STX6: variants seen among roughly 807,000 people sequenced by gnomAD.
The protein encoded by STX6 is syntaxin-6.
In STX6, 23 loss-of-function variants were observed where a neutral mutation model predicts 38.0. The ratio of observed to expected loss-of-function variants is 0.60; its 90% confidence interval spans 0.43 to 0.86. STX6 has a LOEUF of 0.86. Among genes scored for constraint, STX6 ranks in the 40% least tolerant of loss-of-function variants. STX6 has a pLI of 0.00. For synonymous variants in STX6, 123 were observed against 107.5 expected (o/e 1.14, Z -0.89); for missense variants, 274 against 312.9 (o/e 0.88, Z 0.94).
chr1:181,013,253 T>C (rs1656461597), intron 1 of STX6, among the ~76,000 whole-genome samples: 2 of 152,226 alleles, frequency 1.3e-5, no homozygotes, highest in South Asian at 4.1e-4. Flanking sequence ...TAGGGAGCTT[T>C]GTTCCCCAGT....
At chr1:181,016,432 C>T (rs1373482742) in intron 1 of STX6, among the ~76,000 whole-genome samples, 1 of 152,126 alleles carries the variant, frequency 6.6e-6, no homozygotes, top group Non-Finnish European at 1.5e-5. Context: ...ATAGTGTTCT[C>T]CAAACTAAGG....
At chr1:181,011,620 T>C (rs1414266503) in intron 1 of STX6, among the ~76,000 whole-genome samples, 2 of 152,236 alleles carry the variant, frequency 1.3e-5, no homozygotes, top group Non-Finnish European at 2.9e-5. Flanking sequence ...TACTTGGCAT[T>C]CCAAGTAAGT....
chr1:180,994,665 G>A (rs1228908064), intron 3 of STX6, among the ~76,000 whole-genome samples: 1 of 152,202 alleles, frequency 6.6e-6, no homozygotes, highest in Non-Finnish European at 1.5e-5. Flanking sequence ...GTTACCTGAG[G>A]CCAGAAGAGT....
chr1:180,984,089 A>AAAAAAAAAAAAC lies in STX6; in HGVS notation c.691+587_691+588insGTTTTTTTTTTT, dbSNP rs141306282. Among the ~76,000 whole-genome samples the AAAAAAAAAAAAC allele has an allele frequency of 4.1e-5, 4 of 97,016 alleles. 1 individual carries two copies. Among genetic ancestry groups the AAAAAAAAAAAAC allele is most frequent in the African/African-American group, 6.3e-5 (2 of 31,526 alleles). 63.6% of individuals were successfully genotyped at this position (97,016 alleles called of 152,430 possible). On this transcript the variant is annotated intron_variant, in intron 7 of 7. Coordinates refer to ENST00000258301, the MANE Select transcript of STX6 (RefSeq NM_005819.6). ...AAAAAAAAAAAAAAAAAAAAAAAAAAACACAACGAAAGTGACTCTACTGGG... is the reference window on the plus strand; with the variant it reads ...AAAAAAAAAAAAAAAAAAAAAAAAAAAAAAAAAAAAACACACAACGAAAGTGACTCTACTGGG...
chr1:181,018,902 C>T (rs1656647073), intron 1 of STX6, among the ~76,000 whole-genome samples: 1 of 152,172 alleles, frequency 6.6e-6, no homozygotes, highest in Non-Finnish European at 1.5e-5. Context: ...CCCTATTTTA[C>T]CTGCACTGGG....
At chr1:180,977,506 G>C (rs1655290244) in intron 7 of STX6, among the ~76,000 whole-genome samples, 1 of 152,248 alleles carries the variant, frequency 6.6e-6, no homozygotes, top group Admixed American at 6.5e-5. Flanking sequence ...CTAGGGCACA[G>C]AGGATGCTGT....
At chr1:180,981,659 T>A (rs934005915) in intron 7 of STX6, among the ~76,000 whole-genome samples, 1 of 152,184 alleles carries the variant, frequency 6.6e-6, no homozygotes, top group African/African-American at 2.4e-5. Context: ...GAGAAGCATA[T>A]ACCACACAAG....
At chr1:181,012,667 CCATT>C (rs1290207672) in intron 1 of STX6, among the ~76,000 whole-genome samples, 1 of 119,192 alleles carries the variant, frequency 8.4e-6, no homozygotes, top group Non-Finnish European at 1.9e-5. Context: ...TCAGATTCTT[CCATT>C]CTTTTTTTTT....
Position 181,022,653 on chromosome 1 carries a change from G to T in STX6, c.21C>A (p.Phe7Leu). 1 of 1,610,840 alleles carries T rather than the reference G, an allele frequency of 6.2e-7. No individual in the cohort carries two copies. Among genetic ancestry groups the T allele is most frequent in the Non-Finnish European group, 8.5e-7 (1 of 1,178,684 alleles). Reference sequence around the variant, plus strand: ...CCGACACTCACCCTTTCACCACAAAGAAGGGGTCCTCCATGGACATGGCGT... The same window carrying T: ...CCGACACTCACCCTTTCACCACAAATAAGGGGTCCTCCATGGACATGGCGT... MSMEDPFFVVKGEVQKA... is the reference protein window; with the variant it reads MSMEDPLFVVKGEVQKA... The change falls in exon 1 of 8, where the codon TTC (phenylalanine) becomes TTA (leucine). Residue 7 changes from phenylalanine to leucine, a missense_variant. Coordinates refer to ENST00000258301, the MANE Select transcript of STX6 (RefSeq NM_005819.6).
At chr1:180,991,791 G>C (rs1655763062) in intron 4 of STX6, among the ~76,000 whole-genome samples, 1 of 152,074 alleles carries the variant, frequency 6.6e-6, no homozygotes, top group African/African-American at 2.4e-5. Flanking sequence ...GCCTGCTGGA[G>C]TGCTTAGAGA....
At chr1:180,986,262 G>T (rs1655579327) in intron 6 of STX6, among the ~76,000 whole-genome samples, 1 of 152,188 alleles carries the variant, frequency 6.6e-6, no homozygotes, top group Non-Finnish European at 1.5e-5. Context: ...TAGTAGCCAT[G>T]TTTGTAAAAA....
intron 1 of STX6, among the ~76,000 whole-genome samples, chr1:181,012,134 T>G (rs1381879271): frequency 6.6e-6 from 1 of 152,218 alleles, no homozygotes; most frequent in African/African-American, 2.4e-5. Context: ...TTCTTCAGCT[T>G]AGCAAACTTC....
intron 3 of STX6, 111 bp from the exon 4 acceptor site, chr1:180,993,536 A>C (rs1349398352): frequency 3.5e-6 from 2 of 565,840 alleles, no homozygotes; most frequent in Non-Finnish European, 6.2e-6. Flanking sequence ...TTTAAAAAGA[A>C]GACCGCATTT....
chr1:181,002,782 A>G, intron 2 of STX6, 82 bp from the exon 3 acceptor site: 2 of 919,248 alleles, frequency 2.2e-6, no homozygotes, highest in South Asian at 2.9e-5. Flanking sequence ...TCTCACATGC[A>G]AACAAATAAA....
chr1:180,991,156 T>G (rs1655747430), intron 4 of STX6, among the ~76,000 whole-genome samples: 1 of 152,206 alleles, frequency 6.6e-6, no homozygotes, highest in African/African-American at 2.4e-5. Context: ...CACTGACCTC[T>G]TCTCAGACTG....
Position 181,022,804 on chromosome 1 carries a change from A to T in STX6, c.-131T>A. The T allele has an allele frequency of 4.6e-6, 4 of 876,234 alleles. No homozygotes were observed. The South Asian group carries it at 6.2e-5, about 14-fold the overall frequency. 54.3% of individuals were successfully genotyped at this position (876,234 alleles called of 1,614,324 possible). ...GTCTGGGTGAAGCCGAGCAGCGGGC[A>T]CGCGCACAGGCCAGGTGCACAGGAC... On this transcript the variant is annotated 5_prime_UTR_variant, in exon 1 of 8. Transcript: ENST00000258301.
Position 180,973,959 on chromosome 1 carries a change from A to G in STX6, c.*2611T>C, listed in dbSNP as rs1338916757. ...AGGCTAAAGGGGTAGGAAAGCCCCA[A>G]ATACTATAAAGATGCACTTATAAGC... On this transcript the variant is annotated 3_prime_UTR_variant, in exon 8 of 8. Transcript: ENST00000258301. The G allele has an allele frequency of 6.6e-6, 1 of 152,216 alleles. No homozygotes were observed. The highest frequency in any genetic ancestry group is 2.4e-5 in the African/African-American group (1 of 41,452). The allele number at this position is 152,216 out of a possible 1,614,324, so 9.4% of individuals were successfully genotyped here.
At chr1:180,981,090 A>G (rs1483886486) in intron 7 of STX6, among the ~76,000 whole-genome samples, 1 of 152,196 alleles carries the variant, frequency 6.6e-6, no homozygotes, top group Non-Finnish European at 1.5e-5. Flanking sequence ...GTGATGCTAC[A>G]ATGATGGATA....
At chr1:181,022,414 C>A (rs1048929098) in intron 1 of STX6, among the ~76,000 whole-genome samples, 1 of 152,196 alleles carries the variant, frequency 6.6e-6, no homozygotes, top group Non-Finnish European at 1.5e-5. Flanking sequence ...AAAGGGCCCC[C>A]CACCACCAGG....
Sources: allele counts gnomAD v4.1 joint callset (sites outside exome capture counted in the v4.1 genomes callset), GRCh38; gene constraint gnomAD v4.1.1; transcripts MANE v1.5; gene names NCBI Gene and HGNC (gene_info 2026-07-23, HGNC 2026-07-21).